Variants in HLTF observed in about 807,000 individuals in gnomAD.
HLTF encodes the protein helicase like transcription factor, also known as DNA-dependent ATPase/E3 ubiquitin-protein ligase HLTF.
HLTF carries 127 observed loss-of-function variants against 129.4 expected under a neutral mutation model. The ratio of observed to expected loss-of-function variants is 0.98; its 90% CI spans 0.85 to 1.14. The LOEUF (loss-of-function observed/expected upper bound fraction) is 1.14. Ranked by LOEUF, HLTF falls within the 50% of genes most tolerant of loss-of-function variation. The probability of loss-of-function intolerance (pLI) is 0.00; values close to 1 mark genes in which losing one functional copy is unlikely to be tolerated. For missense variants in HLTF, 1,139 were observed against 1,187.1 expected, an observed-to-expected ratio of 0.96 and a Z score of 0.60; for synonymous variants, 332 against 388.8, an observed-to-expected ratio of 0.85 and a Z score of 1.72.
intron 7 of HLTF, 109 bp downstream of exon 7, chr3:149,071,143 G>T: frequency 1.6e-6 from 1 of 639,118 alleles, no homozygotes; most frequent in African/African-American, 1.9e-5. Flanking sequence ...GTAAGATCTA[G>T]TCCCAAACTG....
At chr3:149,059,011 T>C (rs1396205981) in intron 13 of HLTF, among the ~76,000 whole-genome samples, 1 of 152,246 alleles carries the variant, frequency 6.6e-6, no homozygotes, top group East Asian at 1.9e-4. Flanking sequence ...GTCGGCTCTT[T>C]CTCATGAGTC....
intron 7 of HLTF, among the ~76,000 whole-genome samples, chr3:149,069,945 T>C (rs1718709469): frequency 1.3e-5 from 2 of 152,246 alleles, no homozygotes; most frequent in Admixed American, 6.5e-5. Flanking sequence ...GTTTTGGATA[T>C]TGCATATGAA....
chr3:149,056,790 A>AT (rs1455791183), intron 13 of HLTF, among the ~76,000 whole-genome samples: 1 of 152,204 alleles, frequency 6.6e-6, no homozygotes, highest in Non-Finnish European at 1.5e-5. Context: ...TTACATGCAA[A>AT]TTTTTGTTAA....
intron 13 of HLTF, among the ~76,000 whole-genome samples, chr3:149,058,911 T>C (rs1717693121): frequency 1.3e-5 from 2 of 152,216 alleles, no homozygotes. Context: ...AATTTCCACA[T>C]TTCTTTAAAT....
At chr3:149,055,033 G>A (rs964566754) in intron 14 of HLTF, among the ~76,000 whole-genome samples, 31 of 152,150 alleles carry the variant, frequency 2.0e-4, no homozygotes, top group African/African-American at 7.5e-4. Flanking sequence ...CCCACTTTGG[G>A]GGACAAAAAT....
intron 8 of HLTF, among the ~76,000 whole-genome samples, 175 bp downstream of exon 8, chr3:149,068,065 C>T (rs1455977301): frequency 1.3e-5 from 2 of 152,010 alleles, no homozygotes; most frequent in Admixed American, 6.6e-5. Context: ...TGTCTGAAAA[C>T]GTAAAAAGAA....
intron 7 of HLTF, among the ~76,000 whole-genome samples, chr3:149,070,932 C>A (rs1004499920): frequency 1.3e-5 from 2 of 151,960 alleles, no homozygotes; most frequent in Admixed American, 1.3e-4. Context: ...GTAATCCCAG[C>A]TATTTGGAAG....
chr3:149,056,687 A>G (rs1717464954), intron 13 of HLTF, among the ~76,000 whole-genome samples: 1 of 152,240 alleles, frequency 6.6e-6, no homozygotes, highest in Non-Finnish European at 1.5e-5. Flanking sequence ...AAGTAGGTGC[A>G]GTAAGAGATT....
intron 18 of HLTF, among the ~76,000 whole-genome samples, chr3:149,044,291 A>G (rs1246682970): frequency 6.6e-6 from 1 of 152,132 alleles, no homozygotes; most frequent in Non-Finnish European, 1.5e-5. Context: ...AAAATAACTT[A>G]TTTTCTGAGA....
chr3:149,048,941 G>A lies in HLTF; in HGVS notation c.1678C>T (p.His560Tyr). The A allele has an allele frequency of 1.2e-6, 2 of 1,609,746 alleles. No individual in the cohort carries two copies. The highest frequency in any genetic ancestry group is 1.7e-5 in the Admixed American group (1 of 60,010). ...TGAGCATTTGGATTTCGTATGGCAT[G>A]TCCTTCATCCAGGATCACTCTTAGC... ...RWLRVILDEG[H>Y]AIRNPNAQQT... Residue 560 changes from histidine (H) to tyrosine (Y), a missense_variant, in exon 16 of 25, where the codon CAT (histidine) becomes TAT (tyrosine). Physicochemically the swap from His to Tyr is moderately conservative, Grantham distance 83 (BLOSUM62 2). Coordinates refer to ENST00000310053, the MANE Select transcript of HLTF (RefSeq NM_003071.4).
At chr3:149,052,904 T>C (rs961081052) in intron 14 of HLTF, among the ~76,000 whole-genome samples, 4 of 152,196 alleles carry the variant, frequency 2.6e-5, no homozygotes, top group Non-Finnish European at 1.5e-5. Context: ...AGAACTATAG[T>C]TACTCCATCT....
intron 23 of HLTF, among the ~76,000 whole-genome samples, chr3:149,038,147 C>G (rs13090196): frequency 0.32 from 48,627 of 151,998 alleles, 7,828 homozygotes; most frequent in East Asian, 0.41. Context: ...TAAGTCTCTA[C>G]GTTGAATGCA....
At position 149,048,052 on chromosome 3, in the gene HLTF, G is replaced by GTT; in HGVS notation, c.1867_1868insAA (p.Thr623LysfsTer15). 6.2e-7 allele frequency: 1 copy of GTT among 1,605,430 alleles called. No homozygotes were observed. The highest frequency in any genetic ancestry group is 8.5e-7 in the Non-Finnish European group (1 of 1,176,944). The stretch of plus-strand genomic sequence containing the variant: ...CCTAAGTCCTCCTTCATCTCCCATT[G>GTT]TGACAGGACGCTGTATTGTTCTATG... On this transcript the variant is annotated frameshift_variant, in exon 17 of 25. Transcript: ENST00000310053. LOFTEE classifies it high-confidence loss of function.
intron 24 of HLTF, among the ~76,000 whole-genome samples, chr3:149,033,933 G>A (rs752596045): frequency 6.6e-6 from 1 of 152,132 alleles, no homozygotes; most frequent in Admixed American, 6.5e-5. Context: ...AGACAAGGAA[G>A]AGTATGGGAT....
chr3:149,047,923 A>C, intron 17 of HLTF, 105 bp downstream of exon 17: 4 of 899,676 alleles, frequency 4.4e-6, no homozygotes, highest in Non-Finnish European at 6.5e-6. Flanking sequence ...ACTTTTTAGA[A>C]GGAAAAGTTA....
At chr3:149,030,093 TAAAGTC>T (rs546326507), downstream of HLTF, 17 of 152,324 alleles carry the variant, frequency 1.1e-4, no homozygotes, top group East Asian at 2.9e-3. Context: ...TATTTGAAGA[TAAAGTC>T]AAAATTATGG....
intron 13 of HLTF, among the ~76,000 whole-genome samples, chr3:149,057,983 T>C (rs1176938286): frequency 6.6e-6 from 1 of 152,222 alleles, no homozygotes; most frequent in African/African-American, 2.4e-5. Flanking sequence ...TCCTTGGTAA[T>C]TGGCGCTCCC....
intron 14 of HLTF, among the ~76,000 whole-genome samples, chr3:149,051,376 G>A (rs1446072707): frequency 6.6e-6 from 1 of 152,104 alleles, no homozygotes; most frequent in Non-Finnish European, 1.5e-5. Flanking sequence ...CCTATAGATA[G>A]AAGTGAGAGG....
Position 149,031,244 on chromosome 3 carries a change from C to T in HLTF, c.*976G>A, listed in dbSNP as rs899014620. 1.3e-5 allele frequency: 2 copies of T among 152,452 alleles called. No homozygotes were observed. The highest frequency in any genetic ancestry group is 4.8e-5 in the African/African-American group (2 of 41,406). 9.4% of individuals were successfully genotyped at this position (152,452 alleles called of 1,614,324 possible). On this transcript the variant is annotated 3_prime_UTR_variant, in exon 25 of 25. Coordinates refer to ENST00000310053, the MANE Select transcript of HLTF (RefSeq NM_003071.4). ...TCAAGTTCAAAATCAAATTCTGATT[C>T]TAAACACATAACAATTGTTTACATT...
Sources: allele counts gnomAD v4.1 joint callset (sites outside exome capture counted in the v4.1 genomes callset), GRCh38; gene constraint gnomAD v4.1.1; transcripts MANE v1.5; gene names NCBI Gene and HGNC (gene_info 2026-07-23, HGNC 2026-07-21).